Variants in SLC7A11 observed in about 807,000 individuals in gnomAD.
The protein encoded by SLC7A11 is solute carrier family 7 member 11, also known as cystine/glutamate transporter.
Under a neutral mutation model 54.5 loss-of-function variants are expected in SLC7A11, and 35 were observed. The ratio of observed to expected loss-of-function variants is 0.64; its 90% CI spans 0.49 to 0.85. SLC7A11 has a LOEUF of 0.85. SLC7A11 is among the 40% of genes least tolerant of loss of function. SLC7A11 has a pLI of 0.00. For synonymous variants in SLC7A11, 230 were observed against 225.2 expected (o/e 1.02, Z -0.19); for missense variants, 583 against 618.1 (o/e 0.94, Z 0.60).
chr4:138,214,161 C>T (rs942750618), intron 6 of SLC7A11, among the ~76,000 whole-genome samples: 19 of 152,056 alleles, frequency 1.2e-4, no homozygotes, highest in African/African-American at 4.3e-4. Context: ...CTATTAATTA[C>T]ATTACTCACT....
In SLC7A11 at chr4:138,171,912, G is replaced by T; in HGVS notation, c.*44C>A. 6.4e-7 allele frequency: 1 copy of T among 1,553,924 alleles called. No homozygotes were observed. Among genetic ancestry groups the T allele is most frequent in the Non-Finnish European group, 8.6e-7 (1 of 1,160,592 alleles). On this transcript the variant is annotated 3_prime_UTR_variant, in exon 12 of 12. Coordinates refer to ENST00000280612, the MANE Select transcript of SLC7A11 (RefSeq NM_014331.4). ...AAAATGAAGTAAAAATCCCTATTTT[G>T]TGTCTCCCCTTGGGCAGATTGCCAA...
At chr4:138,212,197 A>G (rs1436911665) in intron 6 of SLC7A11, among the ~76,000 whole-genome samples, 2 of 151,906 alleles carry the variant, frequency 1.3e-5, no homozygotes, top group East Asian at 3.9e-4. Flanking sequence ...ATGAGGTTTG[A>G]CACTAAAAGT....
intron 3 of SLC7A11, among the ~76,000 whole-genome samples, chr4:138,231,098 C>T (rs1358589397): frequency 6.6e-6 from 1 of 152,020 alleles, no homozygotes; most frequent in Non-Finnish European, 1.5e-5. Context: ...AAGTCAAATA[C>T]CATAGGTTCT....
At chr4:138,196,447 A>G (rs1319326453) in intron 6 of SLC7A11, among the ~76,000 whole-genome samples, 2 of 152,142 alleles carry the variant, frequency 1.3e-5, no homozygotes. Context: ...ACTTCTAAAT[A>G]TACAACAGCC....
At chr4:138,189,622 T>G (rs1736960829) in intron 6 of SLC7A11, among the ~76,000 whole-genome samples, 1 of 152,210 alleles carries the variant, frequency 6.6e-6, no homozygotes, top group Admixed American at 6.6e-5. Flanking sequence ...AGACTAATTG[T>G]CATGGTGTGA....
At chr4:138,175,314 G>T (rs1026146029) in intron 11 of SLC7A11, among the ~76,000 whole-genome samples, 1 of 152,108 alleles carries the variant, frequency 6.6e-6, no homozygotes, top group Non-Finnish European at 1.5e-5. Flanking sequence ...CAAAGATTTT[G>T]TTTAAATAAG....
At chr4:138,173,709 T>C (rs1321304696) in intron 11 of SLC7A11, among the ~76,000 whole-genome samples, 1 of 152,068 alleles carries the variant, frequency 6.6e-6, no homozygotes, top group Non-Finnish European at 1.5e-5. Flanking sequence ...CCCACTAATT[T>C]TACAGTCTAT....
chr4:138,227,832 A>G (rs1578668652), intron 3 of SLC7A11, among the ~76,000 whole-genome samples: 1 of 151,876 alleles, frequency 6.6e-6, no homozygotes, highest in South Asian at 2.1e-4. Flanking sequence ...CACATTTTGC[A>G]TGTCATCCTC....
At chr4:138,225,641 A>G (rs929438023) in intron 3 of SLC7A11, among the ~76,000 whole-genome samples, 2 of 152,102 alleles carry the variant, frequency 1.3e-5, no homozygotes, top group Non-Finnish European at 2.9e-5. Context: ...TTCCTTTTCT[A>G]TGCAAATGAC....
At chr4:138,214,329 T>C (rs2148438991) in intron 6 of SLC7A11, among the ~76,000 whole-genome samples, 1 of 151,876 alleles carries the variant, frequency 6.6e-6, no homozygotes, top group South Asian at 2.1e-4. Context: ...TTATTTCCTA[T>C]TTTCAGGTTA....
At chr4:138,214,530 T>C (rs1001641518) in intron 6 of SLC7A11, 55 bp downstream of exon 6, 12 of 1,040,100 alleles carry the variant, frequency 1.2e-5, no homozygotes, top group Middle Eastern at 2.1e-4. Context: ...TTTTAAACTA[T>C]GTAATCTTAA....
At chr4:138,172,619 T>C (rs973466608) in intron 11 of SLC7A11, among the ~76,000 whole-genome samples, 1 of 152,118 alleles carries the variant, frequency 6.6e-6, no homozygotes, top group Non-Finnish European at 1.5e-5. Context: ...CCTACTCAAT[T>C]AGAAACTGAA....
At chr4:138,229,139 C>G (rs1738016114) in intron 3 of SLC7A11, among the ~76,000 whole-genome samples, 1 of 152,096 alleles carries the variant, frequency 6.6e-6, no homozygotes, top group South Asian at 2.1e-4. Context: ...CGAACTGTTT[C>G]CTTCCCCAGG....
At chr4:138,182,973 T>G (rs1215588185) in intron 8 of SLC7A11, among the ~76,000 whole-genome samples, 1 of 152,030 alleles carries the variant, frequency 6.6e-6, no homozygotes, top group Non-Finnish European at 1.5e-5. Flanking sequence ...ATACTATTTT[T>G]AAAAAAGCCA....
In SLC7A11 at chr4:138,229,569, T is replaced by A. The variant is rs565219130; in HGVS notation, c.520+2698A>T. Reference sequence around the variant, plus strand: ...TCATCTAAGATTTCCTCAGGCTCCTTGTTAACTATTCCGTCACCAATGTCT... The same window carrying A: ...TCATCTAAGATTTCCTCAGGCTCCTAGTTAACTATTCCGTCACCAATGTCT... On this transcript the variant is annotated intron_variant, in intron 3 of 11. Transcript: ENST00000280612. Among the ~76,000 whole-genome samples the A allele has an allele frequency of 2.1e-4, 32 of 152,344 alleles. No individual in the cohort carries two copies. In the South Asian group the frequency reaches 3.9e-3, roughly 19 times the overall value.
At chr4:138,177,789 T>G (rs1736617957) in intron 11 of SLC7A11, 1 of 152,150 alleles carries the variant, frequency 6.6e-6, no homozygotes, top group Non-Finnish European at 1.5e-5. Flanking sequence ...TCATCTACTA[T>G]GTTTTCTCCT....
rs1352350126 is a variant in SLC7A11 at position 138,237,794 on chromosome 4, C to A, written c.278-1343G>T. Among the ~76,000 whole-genome samples the A allele has an allele frequency of 3.3e-5, 4 of 122,436 alleles. No homozygotes were observed. In the South Asian group the frequency reaches 8.3e-4, roughly 25 times the overall value. 80.3% of individuals were successfully genotyped at this position (122,436 alleles called of 152,430 possible). On this transcript the variant is annotated intron_variant, in intron 1 of 11. Transcript: ENST00000280612. Reference sequence around the variant, plus strand: ...GAGATGGAGTCTCACTCTGTCCCCCCAGGCTGCAGTGCAGTGGCACGATCT... The same window carrying A: ...GAGATGGAGTCTCACTCTGTCCCCCAAGGCTGCAGTGCAGTGGCACGATCT...
chr4:138,204,987 T>A (rs113842154), intron 6 of SLC7A11, among the ~76,000 whole-genome samples: 1 of 152,038 alleles, frequency 6.6e-6, no homozygotes, highest in South Asian at 2.1e-4. Flanking sequence ...TTATAAAATA[T>A]TCTAATCTTT....
chr4:138,166,978 T>TA lies in SLC7A11; in HGVS notation c.*4977dup. 1 of 152,198 alleles carries TA rather than the reference T, an allele frequency of 6.6e-6. No homozygotes were observed. Among genetic ancestry groups the TA allele is most frequent in the African/African-American group, 2.4e-5 (1 of 41,522 alleles). 9.4% of individuals were successfully genotyped at this position (152,198 alleles called of 1,614,324 possible). ...TGCTTTTGTGAATGTATACCTGATC[T>TA]AAAATTAGACAAAACATTTATTTTT... On this transcript the variant is annotated 3_prime_UTR_variant, in exon 12 of 12. Transcript: ENST00000280612.
Sources: gnomAD v4.1 joint callset for allele counts (sites outside exome capture counted in the v4.1 genomes callset) on GRCh38, gnomAD v4.1.1 for gene constraint, MANE v1.5 for transcripts, NCBI Gene and HGNC (gene_info 2026-07-23, HGNC 2026-07-21) for gene names.